The following PTCHD4 variants were observed in gnomAD, a reference collection of about 807,000 sequenced individuals.
PTCHD4 encodes patched domain containing 4.
PTCHD4 carries 33 observed loss-of-function variants against 58.1 expected under a neutral mutation model. That is an observed-to-expected ratio of 0.57 (90% confidence interval 0.43 to 0.76). The LOEUF (loss-of-function observed/expected upper bound fraction) is 0.76. Among genes scored for constraint, PTCHD4 ranks in the 30% least tolerant of loss-of-function variants. The pLI is 0.00. For missense variants in PTCHD4, 1,058 were observed against 1,027.1 expected (o/e 1.03, Z -0.41); for synonymous variants, 478 against 409.6 (o/e 1.17, Z -2.02).
intron 1 of PTCHD4, among the ~76,000 whole-genome samples, chr6:48,093,177 C>G (rs1366935098): frequency 6.6e-6 from 1 of 152,126 alleles, no homozygotes; most frequent in Admixed American, 6.5e-5. Context: ...TCCTGCAAGG[C>G]ACATATTTTA....
chr6:47,925,596 A>G (rs1351329810), intron 4 of PTCHD4, among the ~76,000 whole-genome samples: 1 of 152,240 alleles, frequency 6.6e-6, no homozygotes, highest in African/African-American at 2.4e-5. Flanking sequence ...GAAGCACAGA[A>G]GCATCACAGC....
rs1217750797 is a variant in PTCHD4 at position 47,872,848 on chromosome 6, A to G, written c.*5455T>C. Among the ~76,000 whole-genome samples the G allele has an allele frequency of 6.6e-6, 1 of 151,574 alleles. No homozygotes were observed. The highest frequency in any genetic ancestry group is 2.1e-4 in the South Asian group (1 of 4,822). Reference sequence around the variant, plus strand: ...AAGTTATACTATAAATATATTCTTAACCCTATATATTGCTCTTTTGAGTTG... The same window carrying G: ...AAGTTATACTATAAATATATTCTTAGCCCTATATATTGCTCTTTTGAGTTG... On this transcript the variant is annotated 3_prime_UTR_variant, in exon 5 of 5. Transcript: ENST00000339488.
rs963203881 is a variant in PTCHD4, at chr6:47,876,556, A to G, written c.*1747T>C. On this transcript the variant is annotated 3_prime_UTR_variant, in exon 5 of 5. Coordinates refer to ENST00000339488, the MANE Select transcript of PTCHD4 (RefSeq NM_001384253.1). ...CTATAACGAGAATGGAATGGTTTGT[A>G]CCTTTTTTCTGAACATAATTGAGTC... Among the ~76,000 whole-genome samples the G allele has an allele frequency of 6.6e-6, 1 of 151,942 alleles. No individual in the cohort carries two copies.
intron 4 of PTCHD4, among the ~76,000 whole-genome samples, chr6:47,937,456 A>G (rs1480975871): frequency 1.3e-5 from 2 of 152,184 alleles, no homozygotes; most frequent in Non-Finnish European, 2.9e-5. Flanking sequence ...TGGTTATATA[A>G]CTGATTGGAG....
At chr6:48,090,562 ATT>A (rs557818320) in intron 1 of PTCHD4, among the ~76,000 whole-genome samples, 1 of 152,036 alleles carries the variant, frequency 6.6e-6, no homozygotes, top group East Asian at 1.9e-4. Flanking sequence ...AAAGCCTATG[ATT>A]TTTTCTACAC....
chr6:48,015,569 C>T (rs1490673741), intron 3 of PTCHD4, among the ~76,000 whole-genome samples: 5 of 151,898 alleles, frequency 3.3e-5, no homozygotes, highest in South Asian at 2.1e-4. Context: ...GCCTGAAATG[C>T]TTTCTTCTGC....
intron 4 of PTCHD4, among the ~76,000 whole-genome samples, chr6:47,913,372 T>C (rs1408847567): frequency 1.3e-5 from 2 of 152,090 alleles, no homozygotes; most frequent in Non-Finnish European, 2.9e-5. Flanking sequence ...TCTCACACTA[T>C]TTAGCTTCTT....
rs1763451108 is a variant in PTCHD4 at position 47,862,340 on chromosome 6, T to A, written c.*15963A>T. On this transcript the variant is annotated 3_prime_UTR_variant, in exon 5 of 5. Transcript: ENST00000339488. Reference sequence around the variant, plus strand: ...CAACCATTTTCAACACATACTAAATTTTTTTTGTAGGCTGCTTTCCCCCTT... The same window carrying A: ...CAACCATTTTCAACACATACTAAATATTTTTTGTAGGCTGCTTTCCCCCTT... Among the ~76,000 whole-genome samples, 1 of 151,748 alleles carries A rather than the reference T, an allele frequency of 6.6e-6. No individual in the cohort carries two copies. The highest frequency in any genetic ancestry group is 1.5e-5 in the Non-Finnish European group (1 of 67,786).
chr6:47,890,972 C>T (rs1764361077), intron 4 of PTCHD4: 1 of 764,574 alleles, frequency 1.3e-6, no homozygotes, highest in African/African-American at 1.9e-5. Flanking sequence ...CTTTGGGGGG[C>T]TGAGGCTGGT....
chr6:48,008,639 G>A lies in PTCHD4; in HGVS notation c.893C>T (p.Ala298Val). 1 of 1,612,638 alleles carries A rather than the reference G, an allele frequency of 6.2e-7. No individual in the cohort carries two copies. Among genetic ancestry groups the A allele is most frequent in the Non-Finnish European group, 8.5e-7 (1 of 1,179,268 alleles). ...NSTLLGIPFF[A>V]MGHGTKGVFE... ...CCACAAGGATGGATAGTTACCCATG[G>A]CGAAGAACGGGATTCCCAGCAGGGT... Residue 298 changes from alanine to valine, a missense_variant, in exon 4 of 5, where the codon GCC (alanine) becomes GTC (valine). Coordinates refer to ENST00000339488, the MANE Select transcript of PTCHD4 (RefSeq NM_001384253.1).
chr6:47,932,078 A>G (rs955819097), intron 4 of PTCHD4, among the ~76,000 whole-genome samples: 10 of 152,100 alleles, frequency 6.6e-5, no homozygotes, highest in Admixed American at 2.0e-4. Flanking sequence ...CTACACAGGA[A>G]TTTCCTCTTT....
At chr6:47,995,653 T>C (rs929322320) in intron 4 of PTCHD4, among the ~76,000 whole-genome samples, 1 of 152,220 alleles carries the variant, frequency 6.6e-6, no homozygotes, top group Non-Finnish European at 1.5e-5. Context: ...AAATTACAGA[T>C]AATTCTGTCA....
At position 47,992,060 on chromosome 6, in the gene PTCHD4, A is replaced by T. The variant is rs556775698; in HGVS notation, c.898+16574T>A. Reference sequence around the variant, plus strand: ...TAGCCTGGAAGAATCTCCACATTCAACTATACACAATTTACCAGACACATA... The same window carrying T: ...TAGCCTGGAAGAATCTCCACATTCATCTATACACAATTTACCAGACACATA... On this transcript the variant is annotated intron_variant, in intron 4 of 4. Coordinates refer to ENST00000339488, the MANE Select transcript of PTCHD4 (RefSeq NM_001384253.1). 6.4e-4 allele frequency among the ~76,000 whole-genome samples: 97 copies of T among 152,304 alleles called. 2 individuals carry two copies. The South Asian group carries it at 0.019, about 30-fold the overall frequency.
Position 47,874,052 on chromosome 6 carries a change from T to C in PTCHD4, c.*4251A>G, listed in dbSNP as rs944923835. ...CAATCTCTAAGAGACAATATCTAAA[T>C]GTCAGTCTCATGGCATTGTATTTTC... On this transcript the variant is annotated 3_prime_UTR_variant, in exon 5 of 5. Coordinates refer to ENST00000339488, the MANE Select transcript of PTCHD4 (RefSeq NM_001384253.1). Among the ~76,000 whole-genome samples, 1 of 151,754 alleles carries C rather than the reference T, an allele frequency of 6.6e-6. No homozygotes were observed. The highest frequency in any genetic ancestry group is 1.5e-5 in the Non-Finnish European group (1 of 67,820).
intron 3 of PTCHD4, 53 bp from the exon 4 acceptor site, chr6:48,009,167 T>C (rs1163704019): frequency 2.6e-6 from 4 of 1,518,234 alleles, no homozygotes; most frequent in South Asian, 1.3e-5. Flanking sequence ...TTCCAGGGAA[T>C]AGATTCTTAC....
At chr6:48,104,864 C>G (rs567052748) in intron 1 of PTCHD4, among the ~76,000 whole-genome samples, 12 of 152,284 alleles carry the variant, frequency 7.9e-5, no homozygotes, top group Middle Eastern at 3.4e-3. Flanking sequence ...AAGGCCATTA[C>G]ATAATGGTAA....
rs1246202839 is a variant in PTCHD4, at chr6:47,857,788, G to A, written c.*20515C>T. On this transcript the variant is annotated 3_prime_UTR_variant, in exon 5 of 5. Transcript: ENST00000339488. ...AGATGACACTACATTGAGCACACAG[G>A]TATTAAACATACAAATGATTGGCAT... Among the ~76,000 whole-genome samples the A allele has an allele frequency of 6.6e-6, 1 of 151,922 alleles. No individual in the cohort carries two copies. Among genetic ancestry groups the A allele is most frequent in the African/African-American group, 2.4e-5 (1 of 41,404 alleles).
rs926206617 is a variant in PTCHD4, at chr6:48,068,445, C to G, written c.202G>C (p.Glu68Gln). Reference protein sequence around the residue: ...LNRFQPEGDLERLVAPSHSLA... With the variant: ...LNRFQPEGDLQRLVAPSHSLA... ...CTGTGGCTGGGAGCGACCAGGCGCTCCAGGTCGCCCTCGGGCTGGAAGCGG... is the reference window on the plus strand; with the variant it reads ...CTGTGGCTGGGAGCGACCAGGCGCTGCAGGTCGCCCTCGGGCTGGAAGCGG... Residue 68 changes from glutamate to glutamine, a missense_variant, in exon 3 of 5, where the codon GAG (glutamate) becomes CAG (glutamine). Physicochemically the swap from Glu to Gln is conservative, Grantham distance 29. Transcript: ENST00000339488. The surrounding 1 kb of genome is among the most constrained non-coding windows in gnomAD (Gnocchi z 4.2). The G allele has an allele frequency of 1.9e-6, 3 of 1,613,730 alleles. No individual in the cohort carries two copies. In the African/African-American group the frequency reaches 4.0e-5, roughly 22 times the overall value.
chr6:48,056,463 C>T (rs921137357), intron 3 of PTCHD4, among the ~76,000 whole-genome samples: 1 of 152,062 alleles, frequency 6.6e-6, no homozygotes, highest in Non-Finnish European at 1.5e-5. Context: ...TTTCAGTAAT[C>T]AAATTTTTCT....
Sources: gnomAD v4.1 joint callset for allele counts (sites outside exome capture counted in the v4.1 genomes callset) on GRCh38, gnomAD v4.1.1 for gene constraint, Gnocchi (gnomAD v3.1) non-coding constraint, MANE v1.5 for transcripts, NCBI Gene and HGNC (gene_info 2026-07-23, HGNC 2026-07-21) for gene names.